Variants in LIMS2 observed in about 807,000 individuals in gnomAD.
LIMS2 encodes LIM and senescent cell antigen-like-containing domain protein 2.
Under a neutral mutation model 45.3 loss-of-function variants are expected in LIMS2, and 30 were observed. That is an observed-to-expected ratio of 0.66 (90% CI 0.50 to 0.90). LIMS2 has a LOEUF of 0.90. Among genes scored for constraint, LIMS2 ranks in the 40% least tolerant of loss-of-function variants. The pLI, the probability that LIMS2 is intolerant of heterozygous loss-of-function variation, is 0.00. For missense variants in LIMS2, 485 were observed against 468.7 expected (o/e 1.03, Z -0.32); for synonymous variants, 173 against 188.0 (o/e 0.92, Z 0.65).
Position 127,672,643 on chromosome 2 carries a change from G to T in LIMS2, c.11+2371C>A, listed in dbSNP as rs1053199137. ...CTCCTCCACCCGCTCAGCCACCCAG[G>T]AGAGGCCTCCCTAGTGGCTGCCTTC... On this transcript the variant is annotated intron_variant, in intron 1 of 9. Transcript: ENST00000355119. This position sits in a 1 kb window ranked among gnomAD's most constrained non-coding sequence, Gnocchi z 4.9. Among the ~76,000 whole-genome samples, 2 of 152,190 alleles carry T rather than the reference G, an allele frequency of 1.3e-5. No homozygotes were observed. The highest frequency in any genetic ancestry group is 4.8e-5 in the African/African-American group (2 of 41,458).
intron 4 of LIMS2, among the ~76,000 whole-genome samples, 155 bp downstream of exon 4, chr2:127,654,269 C>G (rs553212206): frequency 2.0e-5 from 3 of 152,098 alleles, no homozygotes; most frequent in African/African-American, 2.4e-5. Flanking sequence ...CTATCCGCCC[C>G]GGGGTGACCT....
In LIMS2 at chr2:127,664,089, G is replaced by A. The variant is rs766144143; in HGVS notation, c.12-6527C>T. On this transcript the variant is annotated intron_variant, in intron 1 of 9. Coordinates refer to ENST00000355119, the MANE Select transcript of LIMS2 (RefSeq NM_001161403.3). The surrounding 1 kb of genome is among the most constrained non-coding windows in gnomAD (Gnocchi z 5.5). ...CCCTCGTCTCTAACATAGGTCCCTGGGCGCACCCTGCCAGGAGAGCTGATC... is the reference window on the plus strand; with the variant it reads ...CCCTCGTCTCTAACATAGGTCCCTGAGCGCACCCTGCCAGGAGAGCTGATC... 9.2e-5 allele frequency among the ~76,000 whole-genome samples: 14 copies of A among 152,100 alleles called. No homozygotes were observed. The highest frequency in any genetic ancestry group is 2.1e-4 in the Non-Finnish European group (14 of 68,008).
chr2:127,650,600 C>G, intron 4 of LIMS2: 1 of 722,914 alleles, frequency 1.4e-6, no homozygotes, highest in Non-Finnish European at 2.3e-6. Flanking sequence ...GTGGGCGGTG[C>G]TGAGCTTGAA....
Position 127,642,935 on chromosome 2 carries a change from C to G in LIMS2, c.497G>C (p.Cys166Ser). ...GCTGCGCACCTACCCACAGTGGGTG[C>G]AGTTGAAGTGGTCAGGGTGGTAGGC... ...SDAYHPDHFN[C>S]THCGKELTAE... is the part of the protein sequence containing the mutation. The change falls in exon 5 of 10, where the codon TGC becomes TCC. Residue 166 changes from cysteine (C) to serine (S), a missense_variant. By Grantham distance (112) the Cys-to-Ser change is moderately radical. Coordinates refer to ENST00000355119, the MANE Select transcript of LIMS2 (RefSeq NM_001161403.3). This position sits in a 1 kb window ranked among gnomAD's most constrained non-coding sequence, Gnocchi z 5.3. 1 of 1,563,310 alleles carries G rather than the reference C, an allele frequency of 6.4e-7. No homozygotes were observed. Among genetic ancestry groups the G allele is most frequent in the Non-Finnish European group, 8.7e-7 (1 of 1,153,962 alleles).
chr2:127,650,999 G>T (rs144128434), intron 4 of LIMS2: 1 of 1,613,792 alleles, frequency 6.2e-7, no homozygotes, highest in African/African-American at 1.3e-5. Context: ...CCACCCGCCT[G>T]GTCTACCACT....
At chr2:127,660,348 G>T (rs1218100512) in intron 1 of LIMS2, among the ~76,000 whole-genome samples, 5 of 152,200 alleles carry the variant, frequency 3.3e-5, no homozygotes, top group Admixed American at 2.6e-4. Context: ...TGGAAAGTTT[G>T]TTCTTTTGCT....
intron 1 of LIMS2, among the ~76,000 whole-genome samples, chr2:127,660,242 G>A (rs967331831): frequency 4.6e-5 from 7 of 152,172 alleles, no homozygotes; most frequent in African/African-American, 1.7e-4. Flanking sequence ...CTGTAAAATG[G>A]ACCAATCAGC....
chr2:127,643,714 G>A (rs1337892770), intron 4 of LIMS2, among the ~76,000 whole-genome samples: 2 of 152,182 alleles, frequency 1.3e-5, no homozygotes, highest in Non-Finnish European at 2.9e-5. Context: ...CATGGTTTCT[G>A]TTTCCTTGGA....
chr2:127,660,473 C>T (rs567711253), intron 1 of LIMS2, among the ~76,000 whole-genome samples: 8 of 152,204 alleles, frequency 5.3e-5, no homozygotes, highest in Non-Finnish European at 7.4e-5. Context: ...GACCATGAAC[C>T]GACGGGGAGG....
Position 127,668,668 on chromosome 2 carries a change from C to CAAAAAAAAAAAAAAAAAA in LIMS2, c.11+6328_11+6345dup, listed in dbSNP as rs70985469. ...TGGGTGACAGAGTGAGACTCCGTCT[C>CAAAAAAAAAAAAAAAAAA]AAAAAAAAAAAAAAAAAAAAAAAAA... On this transcript the variant is annotated intron_variant, in intron 1 of 9. Transcript: ENST00000355119. 2.9e-4 allele frequency among the ~76,000 whole-genome samples: 5 copies of CAAAAAAAAAAAAAAAAAA among 17,268 alleles called. 1 individual carries two copies. The highest frequency in any genetic ancestry group is 3.3e-4 in the Non-Finnish European group (3 of 9,054). 11.3% of individuals were successfully genotyped at this position (17,268 alleles called of 152,430 possible). A position where few individuals can be genotyped will look rare whatever the true frequency, so the allele number is the denominator to read the frequency against.
intron 4 of LIMS2, among the ~76,000 whole-genome samples, chr2:127,649,045 G>A (rs201322479): frequency 1.1e-4 from 5 of 44,914 alleles, no homozygotes; most frequent in Non-Finnish European, 2.9e-4. Flanking sequence ...AAGAAAGAAA[G>A]AGAAAAGAAG....
At chr2:127,656,024 T>C (rs1203173777) in intron 2 of LIMS2, 2 of 152,222 alleles carry the variant, frequency 1.3e-5, no homozygotes, top group Non-Finnish European at 2.9e-5. Flanking sequence ...ATGACATCGA[T>C]GTGGACTTGA....
At chr2:127,650,151 C>A in intron 4 of LIMS2, 1 of 1,347,626 alleles carries the variant, frequency 7.4e-7, no homozygotes, top group Non-Finnish European at 1.0e-6. Flanking sequence ...CTCCTAAGTG[C>A]CAGGGGCAAG....
chr2:127,654,695 G>T, intron 3 of LIMS2, 135 bp downstream of exon 3: 1 of 1,471,998 alleles, frequency 6.8e-7, no homozygotes, highest in Non-Finnish European at 9.4e-7. Context: ...GGGCCTGACG[G>T]CTGCCGCTCA....
chr2:127,678,645 G>A (rs182366603), upstream of LIMS2, among the ~76,000 whole-genome samples: 1 of 152,186 alleles, frequency 6.6e-6, no homozygotes, highest in Non-Finnish European at 1.5e-5. The surrounding 1 kb of genome is among the most constrained non-coding windows in gnomAD (Gnocchi z 5.3). Flanking sequence ...TGGCCGGCGT[G>A]GGCGTGGTCA....
chr2:127,663,626 G>GCC lies in LIMS2; in HGVS notation c.12-6066_12-6065dup, dbSNP rs142910947. On this transcript the variant is annotated intron_variant, in intron 1 of 9. Transcript: ENST00000355119. The stretch of plus-strand genomic sequence containing the variant: ...GACTTATGTTCCTGGCTCCCTCCCT[G>GCC]CCCCCCCGCCCCAGCCCTTCTGCCC... 3.2e-3 allele frequency among the ~76,000 whole-genome samples: 433 copies of GCC among 136,382 alleles called. 2 individuals carry two copies. Among genetic ancestry groups the GCC allele is most frequent in the East Asian group, 8.4e-3 (39 of 4,638 alleles). The allele number at this position is 136,382 out of a possible 152,430, so 89.5% of individuals were successfully genotyped here.
At chr2:127,651,209 G>A in intron 4 of LIMS2, 1 of 1,609,952 alleles carries the variant, frequency 6.2e-7, no homozygotes, top group Non-Finnish European at 8.5e-7. Context: ...TGTGGGTGGT[G>A]GTGGCTGTGG....
At chr2:127,674,898 G>T in intron 1 of LIMS2, 116 bp downstream of exon 1, 4 of 1,217,612 alleles carry the variant, frequency 3.3e-6, no homozygotes, top group Non-Finnish European at 4.1e-6. Context: ...AATCCGACGC[G>T]CCAGGGCGGA....
chr2:127,644,117 A>T (rs1187125622), intron 4 of LIMS2: 2 of 456,328 alleles, frequency 4.4e-6, no homozygotes, highest in Admixed American at 2.4e-5. Flanking sequence ...ACTGTGCTCC[A>T]TCTGCCCTGG....
Sources: gnomAD v4.1 joint callset for allele counts (sites outside exome capture counted in the v4.1 genomes callset) on GRCh38, gnomAD v4.1.1 for gene constraint, Gnocchi (gnomAD v3.1) non-coding constraint, MANE v1.5 for transcripts, NCBI Gene and HGNC (gene_info 2026-07-23, HGNC 2026-07-21) for gene names.